The following TAOK3 variants were observed in gnomAD, a reference collection of about 807,000 sequenced individuals.
TAOK3 encodes TAO kinase 3.
In TAOK3, 40 loss-of-function variants were observed where a neutral mutation model predicts 120.4. That is an observed-to-expected ratio of 0.33 (90% CI 0.26 to 0.43). TAOK3 has a LOEUF of 0.43. Among genes scored for constraint, TAOK3 ranks in the 20% least tolerant of loss-of-function variants. The pLI is 1.00. For missense variants in TAOK3, 821 were observed against 1,112.1 expected (o/e 0.74, Z 3.72); for synonymous variants, 355 against 387.5 (o/e 0.92, Z 0.99).
chr12:118,156,467 G>A (rs112484221), intron 19 of TAOK3, among the ~76,000 whole-genome samples: 8 of 152,012 alleles, frequency 5.3e-5, no homozygotes, highest in Admixed American at 4.6e-4. Context: ...TCCTCTAACC[G>A]CTCTTCCTAA....
At chr12:118,252,962 G>A (rs894956379) in intron 3 of TAOK3, among the ~76,000 whole-genome samples, 3 of 152,066 alleles carry the variant, frequency 2.0e-5, no homozygotes, top group Non-Finnish European at 2.9e-5. Context: ...TCTTGACCTC[G>A]TGATCCGCCT....
intron 11 of TAOK3, among the ~76,000 whole-genome samples, chr12:118,210,825 G>A (rs559505250): frequency 2.7e-5 from 4 of 147,682 alleles, no homozygotes; most frequent in South Asian, 2.2e-4. Context: ...TGTAACCTCC[G>A]CCTTCCGGCT....
In TAOK3 at chr12:118,150,665, A is replaced by C; in HGVS notation, c.*332T>G. 1 of 202,372 alleles carries C rather than the reference A, an allele frequency of 4.9e-6. No individual in the cohort carries two copies. The highest frequency in any genetic ancestry group is 1.1e-4 in the East Asian group (1 of 8,938). 12.5% of individuals were successfully genotyped at this position (202,372 alleles called of 1,614,324 possible). The stretch of plus-strand genomic sequence containing the variant: ...TGATTGCTTAAAGCAATATACATCC[A>C]CTTTTTTTGTTGTTGGTTTATTGGT... On this transcript the variant is annotated 3_prime_UTR_variant, in exon 21 of 21. Transcript: ENST00000392533.
intron 1 of TAOK3, among the ~76,000 whole-genome samples, chr12:118,271,020 A>G (rs1466557673): frequency 6.6e-6 from 1 of 152,076 alleles, no homozygotes; most frequent in Non-Finnish European, 1.5e-5. Flanking sequence ...CCTTTGCATC[A>G]GTTTTCAACA....
intron 1 of TAOK3, among the ~76,000 whole-genome samples, chr12:118,271,798 T>C (rs1311019785): frequency 6.6e-6 from 1 of 152,212 alleles, no homozygotes; most frequent in Non-Finnish European, 1.5e-5. Flanking sequence ...AAATGACCAT[T>C]CAAATTAATC....
chr12:118,251,458 T>C (rs1274967044), intron 3 of TAOK3, among the ~76,000 whole-genome samples: 2 of 152,194 alleles, frequency 1.3e-5, no homozygotes, highest in African/African-American at 2.4e-5. Flanking sequence ...ACTTTTCACA[T>C]TTATATACAG....
At position 118,311,868 on chromosome 12, in the gene TAOK3, G is replaced by A. The variant is rs114318520; in HGVS notation, c.-193-45109C>T. On this transcript the variant is annotated intron_variant, in intron 1 of 20. Coordinates refer to ENST00000392533, the MANE Select transcript of TAOK3 (RefSeq NM_016281.4). ...GATGTAAGAGTTAATGGAAGATATCGTGAGCCAAAACAGGGAATAAAACAT... is the reference window on the plus strand; with the variant it reads ...GATGTAAGAGTTAATGGAAGATATCATGAGCCAAAACAGGGAATAAAACAT... Among the ~76,000 whole-genome samples the A allele has an allele frequency of 7.9e-3, 1,210 of 152,236 alleles. 17 individuals are homozygous for A. The highest frequency in any genetic ancestry group is 0.027 in the African/African-American group (1,128 of 41,534).
chr12:118,228,425 T>C (rs2039610820), intron 9 of TAOK3, among the ~76,000 whole-genome samples: 1 of 152,150 alleles, frequency 6.6e-6, no homozygotes, highest in Non-Finnish European at 1.5e-5. Context: ...GTGCTGGGAT[T>C]ACAAGCGTGA....
intron 9 of TAOK3, among the ~76,000 whole-genome samples, chr12:118,226,918 G>C (rs2039537317): frequency 6.6e-6 from 1 of 152,102 alleles, no homozygotes; most frequent in African/African-American, 2.4e-5. Context: ...AACTGCTGTT[G>C]ACATTTTAGT....
intron 19 of TAOK3, among the ~76,000 whole-genome samples, chr12:118,156,672 C>T (rs1344928021): frequency 6.6e-6 from 1 of 152,168 alleles, no homozygotes; most frequent in Non-Finnish European, 1.5e-5. Context: ...TTCCCACACC[C>T]CAATCTGTTC....
chr12:118,219,604 T>G (rs540535440), intron 9 of TAOK3, among the ~76,000 whole-genome samples: 1 of 151,788 alleles, frequency 6.6e-6, no homozygotes, highest in Non-Finnish European at 1.5e-5. Context: ...CCTAGTTATT[T>G]GTGTAATTTT....
At chr12:118,224,355 C>A (rs2039400548) in intron 9 of TAOK3, among the ~76,000 whole-genome samples, 2 of 152,158 alleles carry the variant, frequency 1.3e-5, no homozygotes, top group Non-Finnish European at 2.9e-5. Flanking sequence ...TCATGGTATT[C>A]ATTTATTAAC....
At position 118,362,344 on chromosome 12, in the gene TAOK3, GCATAAATCTCA is replaced by G. The variant is rs369553620; in HGVS notation, c.-194+10293_-194+10303del. Among the ~76,000 whole-genome samples the G allele has an allele frequency of 3.2e-3, 455 of 143,652 alleles. 2 individuals carry two copies. The highest frequency in any genetic ancestry group is 0.011 in the African/African-American group (426 of 38,980). The allele number at this position is 143,652 out of a possible 152,430, so 94.2% of individuals were successfully genotyped here. ...AAAAAAAAAAAAAAAAAAGGTCCATGCATAAATCTCACATAAATCTCACAATGTTTTAAGAA... is the reference window on the plus strand; with the variant it reads ...AAAAAAAAAAAAAAAAAAGGTCCATGCATAAATCTCACAATGTTTTAAGAA... On this transcript the variant is annotated intron_variant, in intron 1 of 20. Transcript: ENST00000392533.
At position 118,181,399 on chromosome 12, in the gene TAOK3, T is replaced by C; in HGVS notation, c.1538A>G (p.Lys513Arg). The change falls in exon 15 of 21, where the codon AAG (lysine) becomes AGG (arginine). Residue 513 changes from lysine (K) to arginine (R), a missense_variant. By Grantham distance (26) the Lys-to-Arg change is conservative (BLOSUM62 2). This residue lies in a region of TAOK3 where 354 missense variants were observed against 572.1 expected (regional missense o/e 0.62). Coordinates refer to ENST00000392533, the MANE Select transcript of TAOK3 (RefSeq NM_016281.4). The part of the protein sequence containing the change: ...NSSIELEKLA[K>R]KQVAIIEKEA... ...CTTTTCTATGATAGCCACTTGCTTC[T>C]TGGCCAGCTTCTCCAGCTCGATGGA... is the stretch of plus-strand genomic sequence containing the variant. 6.2e-7 allele frequency: 1 copy of C among 1,614,130 alleles called. No individual in the cohort carries two copies. Among genetic ancestry groups the C allele is most frequent in the Non-Finnish European group, 8.5e-7 (1 of 1,179,982 alleles).
At chr12:118,209,035 T>C (rs955469870) in intron 11 of TAOK3, among the ~76,000 whole-genome samples, 6 of 152,144 alleles carry the variant, frequency 3.9e-5, no homozygotes, top group Admixed American at 1.3e-4. Flanking sequence ...GATATTCTTA[T>C]ACAGGGACAA....
chr12:118,261,959 C>G (rs1426872619), intron 2 of TAOK3, among the ~76,000 whole-genome samples: 1 of 152,072 alleles, frequency 6.6e-6, no homozygotes, highest in Non-Finnish European at 1.5e-5. Context: ...CTCCCGGGTT[C>G]CAGCAATTCT....
intron 3 of TAOK3, among the ~76,000 whole-genome samples, 170 bp from the exon 4 acceptor site, chr12:118,245,135 C>A (rs563474491): frequency 3.3e-5 from 5 of 152,072 alleles, no homozygotes. Flanking sequence ...TGGGTTCAAG[C>A]GATTCTCCTG....
At chr12:118,273,758 G>A (rs2041809377) in intron 1 of TAOK3, among the ~76,000 whole-genome samples, 1 of 152,150 alleles carries the variant, frequency 6.6e-6, no homozygotes, top group African/African-American at 2.4e-5. Flanking sequence ...GGAGGTTGCA[G>A]TGAGCCGAGA....
At chr12:118,245,973 G>C (rs2040473235) in intron 3 of TAOK3, 1 of 555,200 alleles carries the variant, frequency 1.8e-6, no homozygotes, top group Non-Finnish European at 3.1e-6. Context: ...AAAATGTTTT[G>C]GTCAAAAACA....
Sources: allele counts gnomAD v4.1 joint callset (sites outside exome capture counted in the v4.1 genomes callset), GRCh38; gene constraint gnomAD v4.1.1; regional missense constraint gnomAD v4.1.1; transcripts MANE v1.5; gene names NCBI Gene and HGNC (gene_info 2026-07-23, HGNC 2026-07-21).